Variants in ZDHHC14 observed in about 807,000 individuals in gnomAD.
ZDHHC14 encodes the protein zDHHC palmitoyltransferase 14.
ZDHHC14 carries 16 observed loss-of-function variants against 47.7 expected under a neutral mutation model. The ratio of observed to expected loss-of-function variants is 0.34; its 90% CI spans 0.23 to 0.51. The LOEUF (loss-of-function observed/expected upper bound fraction) is 0.51. Among genes scored for constraint, ZDHHC14 ranks in the 20% least tolerant of loss-of-function variants. The pLI, the probability that ZDHHC14 is intolerant of heterozygous loss-of-function variation, is 0.97. For missense variants in ZDHHC14, 515 were observed against 662.5 expected (o/e 0.78, Z 2.44); for synonymous variants, 293 against 278.9 (o/e 1.05, Z -0.50).
At chr6:157,659,390 C>T (rs567518236) in intron 8 of ZDHHC14, among the ~76,000 whole-genome samples, 3 of 152,336 alleles carry the variant, frequency 2.0e-5, no homozygotes, top group African/African-American at 7.2e-5. Context: ...TGCTTTCTCC[C>T]GCTTTGCGTC....
At chr6:157,509,516 G>A (rs35677769) in intron 1 of ZDHHC14, among the ~76,000 whole-genome samples, 9,357 of 152,162 alleles carry the variant, frequency 0.061, 344 homozygotes, top group Middle Eastern at 0.1. Context: ...ACTTTCCAAG[G>A]TCAGTTAGTA....
At chr6:157,432,379 C>A (rs989387350) in intron 1 of ZDHHC14, among the ~76,000 whole-genome samples, 9 of 152,056 alleles carry the variant, frequency 5.9e-5, no homozygotes, top group African/African-American at 1.2e-4. Context: ...GCAGTGCAGT[C>A]GGAGGCTGTG....
intron 1 of ZDHHC14, among the ~76,000 whole-genome samples, chr6:157,516,409 C>T (rs35474671): frequency 0.061 from 9,288 of 152,174 alleles, 324 homozygotes; most frequent in Middle Eastern, 0.1. Context: ...TTGTCATTCC[C>T]GTGAACAGGT....
chr6:157,574,015 C>T (rs972052976), intron 2 of ZDHHC14, among the ~76,000 whole-genome samples: 3 of 152,134 alleles, frequency 2.0e-5, no homozygotes, highest in Non-Finnish European at 2.9e-5. Context: ...TGCTAATGCT[C>T]ACATCAGCTT....
intron 1 of ZDHHC14, among the ~76,000 whole-genome samples, chr6:157,497,483 G>A (rs565984917): frequency 2.1e-4 from 32 of 152,256 alleles, no homozygotes; most frequent in African/African-American, 7.0e-4. Flanking sequence ...GTGTGGTAAG[G>A]ATTAAGTGGA....
At chr6:157,450,619 TA>T (rs1226961371) in intron 1 of ZDHHC14, among the ~76,000 whole-genome samples, 1 of 152,130 alleles carries the variant, frequency 6.6e-6, no homozygotes, top group African/African-American at 2.4e-5. Context: ...AACCAGCCCG[TA>T]AATGGATCAA....
chr6:157,573,119 C>T (rs1035986344), intron 2 of ZDHHC14, among the ~76,000 whole-genome samples: 2 of 151,936 alleles, frequency 1.3e-5, no homozygotes, highest in Non-Finnish European at 1.5e-5. Context: ...CTTCCTGTTC[C>T]GAGAAAGGCA....
chr6:157,540,933 T>TATATATATATATATATAA (rs1252700559), intron 1 of ZDHHC14, among the ~76,000 whole-genome samples: 51 of 143,408 alleles, frequency 3.6e-4, no homozygotes, highest in African/African-American at 1.4e-3. Flanking sequence ...TATATATATA[T>TATATATATATATATATAA]AATTTCATAC....
rs371025248 is a variant in ZDHHC14 at position 157,453,788 on chromosome 6, TTGTGTG to T, written c.245+71546_245+71551del. Among the ~76,000 whole-genome samples the T allele has an allele frequency of 4.7e-5, 7 of 148,094 alleles. No individual in the cohort carries two copies. In the South Asian group the frequency reaches 8.6e-4, roughly 18 times the overall value. ...TTCTAAGGCCATTGTTTTTTGTGTT[TTGTGTG>T]TGTGTGTGTGTGTGTGTGTGTGTTT... On this transcript the variant is annotated intron_variant, in intron 1 of 8. Coordinates refer to ENST00000359775, the MANE Select transcript of ZDHHC14 (RefSeq NM_024630.3).
At chr6:157,384,617 TCCTAGTATGATGCCTC>T (rs1777276810) in intron 1 of ZDHHC14, among the ~76,000 whole-genome samples, 1 of 152,230 alleles carries the variant, frequency 6.6e-6, no homozygotes, top group East Asian at 1.9e-4. Context: ...AAGAGGCCCA[TCCTAGTATGATGCCTC>T]TGTTTGGAAA....
chr6:157,617,344 G>GA (rs1479570473), intron 3 of ZDHHC14, among the ~76,000 whole-genome samples: 1 of 152,148 alleles, frequency 6.6e-6, no homozygotes, highest in Non-Finnish European at 1.5e-5. Flanking sequence ...TTTCAACTCA[G>GA]AAAAATGAAA....
At position 157,593,157 on chromosome 6, in the gene ZDHHC14, C is replaced by T. The variant is rs764751118; in HGVS notation, c.565+11C>T. The T allele has an allele frequency of 2.5e-6, 4 of 1,603,844 alleles. No homozygotes were observed. In the South Asian group the frequency reaches 4.5e-5, roughly 18 times the overall value. ...GTGATAACTGCGTAGGTGAGTAGTG[C>T]CTGGGCGGAGCCTGGCGGGAGCCCG... On this transcript the variant is annotated intron_variant, in intron 3 of 8. Transcript: ENST00000359775.
chr6:157,655,378 T>C (rs1424342245), intron 8 of ZDHHC14, among the ~76,000 whole-genome samples: 2 of 152,176 alleles, frequency 1.3e-5, no homozygotes, highest in Non-Finnish European at 2.9e-5. Context: ...CAGACTCTAA[T>C]TTGTGGGTTC....
chr6:157,632,843 A>G lies in ZDHHC14; in HGVS notation c.713A>G (p.Gln238Arg). 2 of 1,614,238 alleles carry G rather than the reference A, an allele frequency of 1.2e-6. No homozygotes were observed. Among genetic ancestry groups the G allele is most frequent in the Non-Finnish European group, 1.7e-6 (2 of 1,180,040 alleles). ...VITHVILRSQQTGFLNALKDS... is the reference protein window; with the variant it reads ...VITHVILRSQRTGFLNALKDS... ...GGTTTCATTCCCACAGGTTCACAGC[A>G]AACAGGATTCCTAAATGCCCTTAAG... The change falls in exon 5 of 9, where the codon CAA (glutamine) becomes CGA (arginine). Residue 238 changes from glutamine to arginine, a missense_variant. Physicochemically the swap from Gln to Arg is conservative, Grantham distance 43. Coordinates refer to ENST00000359775, the MANE Select transcript of ZDHHC14 (RefSeq NM_024630.3).
intron 1 of ZDHHC14, among the ~76,000 whole-genome samples, chr6:157,535,063 C>A (rs9505865): frequency 6.6e-6 from 1 of 152,082 alleles, no homozygotes; most frequent in Non-Finnish European, 1.5e-5. Flanking sequence ...CTTAAGTAGA[C>A]CTCTCTGGGT....
intron 1 of ZDHHC14, among the ~76,000 whole-genome samples, chr6:157,430,599 G>A (rs1020087539): frequency 3.3e-5 from 5 of 152,202 alleles, no homozygotes; most frequent in African/African-American, 1.2e-4. Context: ...AAGGACCCAT[G>A]TGATTATATT....
At chr6:157,580,758 G>C (rs1193097776) in intron 2 of ZDHHC14, among the ~76,000 whole-genome samples, 1 of 151,096 alleles carries the variant, frequency 6.6e-6, no homozygotes, top group Non-Finnish European at 1.5e-5. Flanking sequence ...ATTTCTCTGG[G>C]GGTAAGTGGT....
At chr6:157,470,504 A>G (rs546029102) in intron 1 of ZDHHC14, among the ~76,000 whole-genome samples, 1 of 152,378 alleles carries the variant, frequency 6.6e-6, no homozygotes, top group Non-Finnish European at 1.5e-5. Flanking sequence ...AAAAAGTGTC[A>G]AAAAGCTAAA....
chr6:157,655,001 C>T (rs778245624), intron 8 of ZDHHC14, among the ~76,000 whole-genome samples: 26 of 152,166 alleles, frequency 1.7e-4, no homozygotes, highest in Admixed American at 6.5e-5. Context: ...TCCCAAAGTG[C>T]TGGGATGACG....
Sources: allele counts gnomAD v4.1 joint callset (sites outside exome capture counted in the v4.1 genomes callset), GRCh38; gene constraint gnomAD v4.1.1; transcripts MANE v1.5; gene names NCBI Gene and HGNC (gene_info 2026-07-23, HGNC 2026-07-21).